AMMECR1L: variants seen among roughly 807,000 people sequenced by gnomAD.
AMMECR1L encodes AMMECR1 like.
A neutral mutation model predicts 36.8 loss-of-function variants in AMMECR1L; 4 were observed. The ratio of observed to expected loss-of-function variants is 0.11; its 90% CI spans 0.05 to 0.25. The LOEUF (loss-of-function observed/expected upper bound fraction) is 0.25, where lower values mean the gene tolerates loss of function less well. Ranked by LOEUF, AMMECR1L falls within the 10% of genes least tolerant of loss-of-function variation. The pLI, the probability that AMMECR1L is intolerant of heterozygous loss-of-function variation, is 1.00. For synonymous variants in AMMECR1L, 147 were observed against 148.0 expected (o/e 0.99, Z 0.05); for missense variants, 232 against 392.1 (o/e 0.59, Z 3.45).
In AMMECR1L at chr2:127,865,412, A is replaced by G. The variant is rs943562032; in HGVS notation, c.822-207T>C. On this transcript the variant is annotated intron_variant, in intron 7 of 7. Coordinates refer to ENST00000272647, the MANE Select transcript of AMMECR1L (RefSeq NM_001199140.2). The surrounding 1 kb of genome is among the most constrained non-coding windows in gnomAD (Gnocchi z 5.4). ...AACAAGATGAAAAAGCACAATCACA[A>G]TTCCCCCGAGAATGTGTTTCAGCAC... Among the ~76,000 whole-genome samples, 2 of 152,166 alleles carry G rather than the reference A, an allele frequency of 1.3e-5. No homozygotes were observed. The highest frequency in any genetic ancestry group is 2.9e-5 in the Non-Finnish European group (2 of 68,024).
chr2:127,873,195 G>GTTTACTTT lies in AMMECR1L; in HGVS notation c.407+632_407+633insAAAGTAAA. 1 of 985,450 alleles carries GTTTACTTT rather than the reference G, an allele frequency of 1.0e-6. No homozygotes were observed. The highest frequency in any genetic ancestry group is 1.2e-6 in the Non-Finnish European group (1 of 829,936). The allele number at this position is 985,450 out of a possible 1,614,324, so 61.0% of individuals were successfully genotyped here. A position where few individuals can be genotyped will look rare whatever the true frequency, so the allele number is the denominator to read the frequency against. On this transcript the variant is annotated intron_variant, in intron 3 of 7. Coordinates refer to ENST00000272647, the MANE Select transcript of AMMECR1L (RefSeq NM_001199140.2). The surrounding 1 kb of genome is among the most constrained non-coding windows in gnomAD (Gnocchi z 5.2). ...CAGAGCGGCTTCCAATTCTGAGGAA[G>GTTTACTTT]AAGAAAATGCTAGCATGGAATTCTT...
At chr2:127,877,350 T>G (rs2104770685) in intron 2 of AMMECR1L, among the ~76,000 whole-genome samples, 1 of 151,880 alleles carries the variant, frequency 6.6e-6, no homozygotes, top group Non-Finnish European at 1.5e-5. Flanking sequence ...TTTTTTTTTT[T>G]TTTGAGACAA....
chr2:127,872,749 C>T (rs1050625733), intron 3 of AMMECR1L, among the ~76,000 whole-genome samples: 2 of 152,196 alleles, frequency 1.3e-5, no homozygotes, highest in African/African-American at 4.8e-5. Flanking sequence ...CTAAACCTTC[C>T]CTAAACACCC....
At chr2:127,868,360 G>A (rs1248078284) in intron 6 of AMMECR1L, among the ~76,000 whole-genome samples, 1 of 151,894 alleles carries the variant, frequency 6.6e-6, no homozygotes, top group Non-Finnish European at 1.5e-5. Flanking sequence ...TGTACAGAGT[G>A]TGTTAGGTTT....
chr2:127,879,937 T>A (rs905056122), intron 2 of AMMECR1L, among the ~76,000 whole-genome samples: 2 of 152,222 alleles, frequency 1.3e-5, no homozygotes, highest in Non-Finnish European at 2.9e-5. Flanking sequence ...CAAACTTCCC[T>A]GCCAAACTTT....
chr2:127,876,174 C>T lies in AMMECR1L; in HGVS notation c.-38-1902G>A, dbSNP rs752683072. 4.6e-4 allele frequency among the ~76,000 whole-genome samples: 70 copies of T among 151,620 alleles called. No homozygotes were observed. In the Middle Eastern group the frequency reaches 0.027, roughly 59 times the overall value. Reference sequence around the variant, plus strand: ...GACCAGTATAGGCAACACAGGGAGACCCAGTCTCTACAAAAAATAAAAAAA... The same window carrying T: ...GACCAGTATAGGCAACACAGGGAGATCCAGTCTCTACAAAAAATAAAAAAA... On this transcript the variant is annotated intron_variant, in intron 2 of 7. Transcript: ENST00000272647.
At position 127,867,087 on chromosome 2, in the gene AMMECR1L, C is replaced by T. The variant is rs879778822; in HGVS notation, c.725-91G>A. On this transcript the variant is annotated intron_variant, in intron 6 of 7. Transcript: ENST00000272647. ...CCCGTGCAAGAAGAGAAATGGGACTCGAGAAGCAGCCGAGTCTGCTAAGGC... is the reference window on the plus strand; with the variant it reads ...CCCGTGCAAGAAGAGAAATGGGACTTGAGAAGCAGCCGAGTCTGCTAAGGC... 2.9e-5 allele frequency: 45 copies of T among 1,568,712 alleles called. No individual in the cohort carries two copies. In the South Asian group the frequency reaches 4.0e-4, roughly 14 times the overall value.
chr2:127,877,131 T>G (rs1230886096), intron 2 of AMMECR1L, among the ~76,000 whole-genome samples: 2 of 151,630 alleles, frequency 1.3e-5, no homozygotes, highest in Admixed American at 1.3e-4. Flanking sequence ...TCATCTGGGT[T>G]CTTGTTCCAC....
At chr2:127,881,111 G>A (rs1020137368) in intron 2 of AMMECR1L, among the ~76,000 whole-genome samples, 1 of 152,016 alleles carries the variant, frequency 6.6e-6, no homozygotes, top group Non-Finnish European at 1.5e-5. Context: ...CTGGCTTCAG[G>A]TGCCACTTCG....
At chr2:127,884,373 A>C (rs1027517979) in intron 1 of AMMECR1L, 61 bp from the exon 2 acceptor site, 3 of 143,584 alleles carry the variant, frequency 2.1e-5, no homozygotes, top group Non-Finnish European at 4.5e-5. Context: ...TAAGATAGAT[A>C]CGGTTTCTGA....
rs1690547688 is a variant in AMMECR1L at position 127,863,396 on chromosome 2, C to G, written c.*1698G>C. On this transcript the variant is annotated 3_prime_UTR_variant, in exon 8 of 8. Transcript: ENST00000272647. ...ACGTCCCAGGTCCTCTCGAGCAGCA[C>G]AGGACGGTGTGGAGCAAACCCACTC... 1 of 152,434 alleles carries G rather than the reference C, an allele frequency of 6.6e-6. No homozygotes were observed. Among genetic ancestry groups the G allele is most frequent in the African/African-American group, 2.4e-5 (1 of 41,436 alleles). The allele number at this position is 152,434 out of a possible 1,614,324, so 9.4% of individuals were successfully genotyped here. A position where few individuals can be genotyped will look rare whatever the true frequency, so the allele number is the denominator to read the frequency against.
intron 7 of AMMECR1L, among the ~76,000 whole-genome samples, chr2:127,866,440 T>G (rs761150293): frequency 4.6e-5 from 7 of 152,232 alleles, no homozygotes; most frequent in African/African-American, 1.7e-4. Flanking sequence ...TCTACTACAC[T>G]AGGCAGCCTC....
In AMMECR1L at chr2:127,870,836, G is replaced by A. The variant is rs751730454; in HGVS notation, c.611C>T (p.Ala204Val). ...SVSLLTNFEDASDYLDWEVGV... is the reference protein window; with the variant it reads ...SVSLLTNFEDVSDYLDWEVGV... Reference sequence around the variant, plus strand: ...CACCTCCCAGTCCAGGTAATCACTGGCATCCTCAAAGTTAGTAAGGAGGGA... The same window carrying A: ...CACCTCCCAGTCCAGGTAATCACTGACATCCTCAAAGTTAGTAAGGAGGGA... Residue 204 changes from alanine (A) to valine (V), a missense_variant, in exon 5 of 8, where the codon GCC becomes GTC. Transcript: ENST00000272647. 1 of 1,612,468 alleles carries A rather than the reference G, an allele frequency of 6.2e-7. No individual in the cohort carries two copies. The highest frequency in any genetic ancestry group is 8.5e-7 in the Non-Finnish European group (1 of 1,179,464).
At chr2:127,866,843 T>C in intron 7 of AMMECR1L, 57 bp downstream of exon 7, 2 of 1,480,332 alleles carry the variant, frequency 1.4e-6, no homozygotes, top group Non-Finnish European at 9.4e-7. Context: ...ATCAAAATTA[T>C]CCTCCATTCA....
In AMMECR1L at chr2:127,862,099, CAA is replaced by C. The variant is rs1690493316; in HGVS notation, c.*2993_*2994del. 6.5e-6 allele frequency: 1 copy of C among 153,062 alleles called. No homozygotes were observed. The highest frequency in any genetic ancestry group is 2.4e-5 in the African/African-American group (1 of 41,440). The allele number at this position is 153,062 out of a possible 1,614,324, so 9.5% of individuals were successfully genotyped here. ...TCCAACACCGACAGACTCTAGTGAT[CAA>C]AGACATTCTCTTTTAATGTAAAACA... On this transcript the variant is annotated 3_prime_UTR_variant, in exon 8 of 8. Transcript: ENST00000272647.
In AMMECR1L at chr2:127,871,685, A is replaced by G. The variant is rs999348540; in HGVS notation, c.408-326T>C. Among the ~76,000 whole-genome samples the G allele has an allele frequency of 6.6e-6, 1 of 151,948 alleles. No homozygotes were observed. Among genetic ancestry groups the G allele is most frequent in the African/African-American group, 2.4e-5 (1 of 41,350 alleles). Reference sequence around the variant, plus strand: ...ACTCAACTTTTCCTTCGAATTCTCCAGTTTCCTCTTCCCTAAGTCTATTTA... The same window carrying G: ...ACTCAACTTTTCCTTCGAATTCTCCGGTTTCCTCTTCCCTAAGTCTATTTA... On this transcript the variant is annotated intron_variant, in intron 3 of 7. Transcript: ENST00000272647. This position sits in a 1 kb window ranked among gnomAD's most constrained non-coding sequence, Gnocchi z 4.3.
Position 127,862,798 on chromosome 2 carries a change from T to C in AMMECR1L, c.*2296A>G, listed in dbSNP as rs2261682. The C allele has an allele frequency of 0.38, 57,048 of 152,022 alleles. 13,152 individuals are homozygous for C. Among genetic ancestry groups the C allele is most frequent in the East Asian group, 0.58 (3,008 of 5,172 alleles). The allele number at this position is 152,022 out of a possible 1,614,324, so 9.4% of individuals were successfully genotyped here. A position where few individuals can be genotyped will look rare whatever the true frequency, so the allele number is the denominator to read the frequency against. On this transcript the variant is annotated 3_prime_UTR_variant, in exon 8 of 8. Coordinates refer to ENST00000272647, the MANE Select transcript of AMMECR1L (RefSeq NM_001199140.2). ...CAATTCTTGTGCACTGATTTTTTTTTCCCCATTTCTCGGGTTTTAAAATTT... is the reference window on the plus strand; with the variant it reads ...CAATTCTTGTGCACTGATTTTTTTTCCCCCATTTCTCGGGTTTTAAAATTT...
rs1691123784 is a variant in AMMECR1L, at chr2:127,874,247, C to G, written c.-13G>C. On this transcript the variant is annotated 5_prime_UTR_variant, in exon 3 of 8. Transcript: ENST00000272647. This position sits in a 1 kb window ranked among gnomAD's most constrained non-coding sequence, Gnocchi z 5.2. ...GTCTTTTTCCCATCCTGATTCAGTG[C>G]TCAAGGTCTGGAATGCTGCAGAACC... 2 of 1,613,612 alleles carry G rather than the reference C, an allele frequency of 1.2e-6. No individual in the cohort carries two copies. The highest frequency in any genetic ancestry group is 1.7e-6 in the Non-Finnish European group (2 of 1,179,916).
chr2:127,869,597 T>G lies in AMMECR1L; in HGVS notation c.634-53A>C, dbSNP rs574437077. ...TGGCATTTACTTACTCTAATGGAAC[T>G]TCAGTCCCCACATATAAATCAACAT... On this transcript the variant is annotated intron_variant, in intron 5 of 7. Transcript: ENST00000272647. The surrounding 1 kb of genome is among the most constrained non-coding windows in gnomAD (Gnocchi z 4.7). 3.8e-5 allele frequency: 53 copies of G among 1,407,704 alleles called. No individual in the cohort carries two copies. The highest frequency in any genetic ancestry group is 4.8e-5 in the Non-Finnish European group (48 of 992,790). 87.2% of individuals were successfully genotyped at this position (1,407,704 alleles called of 1,614,324 possible). A position where few individuals can be genotyped will look rare whatever the true frequency, so the allele number is the denominator to read the frequency against.
Sources: gnomAD v4.1 joint callset for allele counts (sites outside exome capture counted in the v4.1 genomes callset) on GRCh38, gnomAD v4.1.1 for gene constraint, Gnocchi (gnomAD v3.1) non-coding constraint, MANE v1.5 for transcripts, NCBI Gene and HGNC (gene_info 2026-07-23, HGNC 2026-07-21) for gene names.